RBFOX1: variants seen among roughly 807,000 people sequenced by gnomAD.
RBFOX1 encodes RNA binding protein fox-1 homolog 1.
Under a neutral mutation model 57.7 loss-of-function variants are expected in RBFOX1, and 8 were observed. That is an observed-to-expected ratio of 0.14 (90% CI 0.08 to 0.25). The LOEUF is 0.25. Ranked by LOEUF, RBFOX1 falls within the 10% of genes least tolerant of loss-of-function variation. The probability of loss-of-function intolerance (pLI) is 1.00; values close to 1 mark genes in which losing one functional copy is unlikely to be tolerated. For missense variants in RBFOX1, 611 were observed against 548.5 expected (o/e 1.11, Z -1.14); for synonymous variants, 326 against 222.4 (o/e 1.47, Z -4.15).
chr16:5,601,840 A>G (rs13336528), downstream of RBFOX1, among the ~76,000 whole-genome samples: 12,787 of 152,226 alleles, frequency 0.084, 1,763 homozygotes, highest in African/African-American at 0.29. Flanking sequence ...AGATGGCTCC[A>G]TTTCCCCAGT....
intron 3 of RBFOX1, among the ~76,000 whole-genome samples, chr16:6,720,181 G>A (rs1415277582): frequency 6.6e-6 from 1 of 152,042 alleles, no homozygotes; most frequent in Non-Finnish European, 1.5e-5. Context: ...TAAGGATTTA[G>A]TAAATGACAG....
At position 6,884,996 on chromosome 16, in the gene RBFOX1, G is replaced by A. The variant is rs190103380; in HGVS notation, c.-15-167061G>A. ...TCTATCTTATTCTAAAGCTTTGGTTGTTTTCATTTCAATAATTACTGTCAT... is the reference window on the plus strand; with the variant it reads ...TCTATCTTATTCTAAAGCTTTGGTTATTTTCATTTCAATAATTACTGTCAT... On this transcript the variant is annotated intron_variant, in intron 3 of 15. Coordinates refer to ENST00000550418, the MANE Select transcript of RBFOX1 (RefSeq NM_018723.4). 1.1e-3 allele frequency among the ~76,000 whole-genome samples: 174 copies of A among 152,262 alleles called. 4 individuals are homozygous for A. Among genetic ancestry groups the A allele is most frequent in the Admixed American group, 0.011 (173 of 15,298 alleles).
intron 1 of RBFOX1, among the ~76,000 whole-genome samples, chr16:5,380,740 G>A (rs1267394500): frequency 6.6e-6 from 1 of 152,208 alleles, no homozygotes; most frequent in Non-Finnish European, 1.5e-5. Flanking sequence ...AAGGGATGGA[G>A]GTGAGATCCA....
At chr16:7,309,254 G>T (rs2142458069) in intron 4 of RBFOX1, among the ~76,000 whole-genome samples, 1 of 152,328 alleles carries the variant, frequency 6.6e-6, no homozygotes, top group South Asian at 2.1e-4. Flanking sequence ...TATCAGCCAG[G>T]TAAGGCCCAC....
At chr16:5,827,948 C>T (rs12051244) in intron 3 of RBFOX1, among the ~76,000 whole-genome samples, 2 of 131,272 alleles carry the variant, frequency 1.5e-5, no homozygotes, top group East Asian at 2.7e-4. Flanking sequence ...CACCCACCCA[C>T]CCACCCACCT....
At chr16:7,060,195 C>G (rs992022684) in intron 4 of RBFOX1, among the ~76,000 whole-genome samples, 1 of 152,146 alleles carries the variant, frequency 6.6e-6, no homozygotes, top group Non-Finnish European at 1.5e-5. Flanking sequence ...CCACTCGACA[C>G]TGCCATAATA....
intron 1 of RBFOX1, among the ~76,000 whole-genome samples, chr16:5,421,644 G>A (rs936574170): frequency 6.6e-6 from 1 of 152,188 alleles, no homozygotes; most frequent in Admixed American, 6.5e-5. Flanking sequence ...GAACACAGAG[G>A]CTCCAGAGCC....
intron 4 of RBFOX1, among the ~76,000 whole-genome samples, chr16:5,975,920 G>GATC (rs1167369783): frequency 6.6e-6 from 1 of 152,114 alleles, no homozygotes; most frequent in Non-Finnish European, 1.5e-5. Flanking sequence ...GAGGCAGGTG[G>GATC]ATCACTTGAG....
At chr16:5,576,275 G>A (rs1487823218) in intron 2 of RBFOX1, among the ~76,000 whole-genome samples, 1 of 152,216 alleles carries the variant, frequency 6.6e-6, no homozygotes, top group African/African-American at 2.4e-5. Flanking sequence ...TTACAGGCGT[G>A]AGCCACTACG....
intron 4 of RBFOX1, among the ~76,000 whole-genome samples, chr16:7,488,637 ACT>A (rs2066068636): frequency 6.6e-6 from 1 of 151,490 alleles, no homozygotes; most frequent in Non-Finnish European, 1.5e-5. Context: ...TTTACCTATC[ACT>A]CTATTTGTCT....
intron 3 of RBFOX1, among the ~76,000 whole-genome samples, chr16:6,837,457 C>T (rs146912986): frequency 2.6e-5 from 4 of 152,160 alleles, no homozygotes; most frequent in Non-Finnish European, 4.4e-5. Flanking sequence ...GTATTTTGAG[C>T]CACTCAGAAG....
chr16:5,484,160 G>C (rs2069645141), intron 2 of RBFOX1, among the ~76,000 whole-genome samples: 1 of 152,222 alleles, frequency 6.6e-6, no homozygotes, highest in African/African-American at 2.4e-5. Flanking sequence ...AACAGAGCAA[G>C]ATCCTATCTC....
At chr16:6,008,660 A>C (rs1397277832) in intron 4 of RBFOX1, among the ~76,000 whole-genome samples, 2 of 152,156 alleles carry the variant, frequency 1.3e-5, no homozygotes, top group Non-Finnish European at 2.9e-5. Context: ...GGGAAGGGTT[A>C]ACTGTTGGAA....
At chr16:6,130,609 C>T (rs996004935) in intron 1 of RBFOX1, among the ~76,000 whole-genome samples, 1 of 152,036 alleles carries the variant, frequency 6.6e-6, no homozygotes, top group Non-Finnish European at 1.5e-5. Context: ...AAGCAAGAAT[C>T]CGTTATTTGC....
At chr16:6,844,556 A>G (rs556192504) in intron 3 of RBFOX1, among the ~76,000 whole-genome samples, 2 of 151,738 alleles carry the variant, frequency 1.3e-5, no homozygotes, top group East Asian at 3.9e-4. Context: ...GTGTATATGT[A>G]CGACTTTTTT....
intron 4 of RBFOX1, among the ~76,000 whole-genome samples, chr16:7,343,496 C>T (rs1305500935): frequency 6.6e-6 from 1 of 152,098 alleles, no homozygotes; most frequent in Non-Finnish European, 1.5e-5. Flanking sequence ...GAGGAGCTGC[C>T]CTCTGAGCAC....
At chr16:5,509,587 C>T (rs2043506604) in intron 2 of RBFOX1, among the ~76,000 whole-genome samples, 1 of 152,178 alleles carries the variant, frequency 6.6e-6, no homozygotes, top group East Asian at 1.9e-4. Context: ...GTCTCTTATT[C>T]ACAGAGCAGT....
intron 3 of RBFOX1, among the ~76,000 whole-genome samples, chr16:5,662,102 G>A (rs2049672444): frequency 6.6e-6 from 1 of 152,112 alleles, no homozygotes; most frequent in Admixed American, 6.6e-5. Context: ...TAGACATCTT[G>A]TTAACTGAAA....
At chr16:5,785,311 G>C (rs1275466222) in intron 3 of RBFOX1, among the ~76,000 whole-genome samples, 1 of 152,246 alleles carries the variant, frequency 6.6e-6, no homozygotes, top group South Asian at 2.1e-4. Context: ...GCTTGGTAGA[G>C]ACAAAAGAGA....
Sources: gnomAD v4.1 joint callset for allele counts (sites outside exome capture counted in the v4.1 genomes callset) on GRCh38, gnomAD v4.1.1 for gene constraint, MANE v1.5 for transcripts, NCBI Gene and HGNC (gene_info 2026-07-23, HGNC 2026-07-21) for gene names.